The following THAP8 variants were observed in gnomAD, a reference collection of about 807,000 sequenced individuals.
THAP8 encodes the protein THAP domain containing 8.
Under a neutral mutation model 25.0 loss-of-function variants are expected in THAP8, and 24 were observed. The ratio of observed to expected loss-of-function variants is 0.96; its 90% confidence interval spans 0.69 to 1.35. The LOEUF (loss-of-function observed/expected upper bound fraction) is 1.35. Ranked by LOEUF, THAP8 falls within the 40% of genes most tolerant of loss-of-function variation. THAP8 has a pLI of 0.00. For synonymous variants in THAP8, 169 were observed against 157.6 expected, an observed-to-expected ratio of 1.07 and a Z score of -0.54; for missense variants, 399 against 368.8, an observed-to-expected ratio of 1.08 and a Z score of -0.67.
At chr19:36,040,875 G>A (rs746979634) in intron 1 of THAP8, among the ~76,000 whole-genome samples, 29 of 152,154 alleles carry the variant, frequency 1.9e-4, no homozygotes, top group Non-Finnish European at 3.5e-4. Context: ...AAATGGGGGT[G>A]TGGGGTTTCT....
chr19:36,050,400 T>G (rs1970023425), intron 1 of THAP8, among the ~76,000 whole-genome samples: 1 of 152,198 alleles, frequency 6.6e-6, no homozygotes, highest in Non-Finnish European at 1.5e-5. Flanking sequence ...TGCCTCGACT[T>G]CCCAAAGTGC....
At chr19:36,054,412 C>T, upstream of THAP8, 1 of 641,500 alleles carries the variant, frequency 1.6e-6, no homozygotes, top group South Asian at 1.8e-5. Context: ...GTCCCGCCCT[C>T]GTCACGTGAC....
chr19:36,042,543 A>C (rs1010069409), intron 1 of THAP8, among the ~76,000 whole-genome samples: 1 of 152,110 alleles, frequency 6.6e-6, no homozygotes, highest in African/African-American at 2.4e-5. Context: ...AGGTGGGAGG[A>C]CTGCTTGAGC....
upstream of THAP8, chr19:36,054,366 G>C: frequency 1.1e-6 from 1 of 945,568 alleles, no homozygotes; most frequent in Non-Finnish European, 1.6e-6. Flanking sequence ...AGAGCTGAGA[G>C]CGCCTGCCTA....
chr19:36,050,647 C>T (rs1039456455), intron 1 of THAP8, among the ~76,000 whole-genome samples: 1 of 152,180 alleles, frequency 6.6e-6, no homozygotes, highest in Non-Finnish European at 1.5e-5. Context: ...CTCAGTTCCT[C>T]AATGTTTGAT....
At chr19:36,041,589 C>T (rs936096963) in intron 1 of THAP8, among the ~76,000 whole-genome samples, 1 of 152,160 alleles carries the variant, frequency 6.6e-6, no homozygotes, top group Non-Finnish European at 1.5e-5. Flanking sequence ...AGTCTTTAAA[C>T]AACTCAACAA....
rs149751385 is a variant in THAP8, at chr19:36,035,302, G to A, written c.*138C>T. On this transcript the variant is annotated 3_prime_UTR_variant, in exon 4 of 4. Transcript: ENST00000292894. ...AAGGTTCAAGAGATCCCTAGGAGTG[G>A]GGTGGTAGAACCCAGGCCCTTGAGG... The A allele has an allele frequency of 3.6e-6, 4 of 1,111,298 alleles. No homozygotes were observed. Among genetic ancestry groups the A allele is most frequent in the Middle Eastern group, 2.5e-4 (1 of 4,040 alleles). The allele number at this position is 1,111,298 out of a possible 1,614,324, so 68.8% of individuals were successfully genotyped here. A position where few individuals can be genotyped will look rare whatever the true frequency, so the allele number is the denominator to read the frequency against.
chr19:36,038,850 CAAA>C (rs541061979), intron 3 of THAP8, among the ~76,000 whole-genome samples: 2 of 90,332 alleles, frequency 2.2e-5, no homozygotes, highest in Admixed American at 1.2e-4. Flanking sequence ...GACTCCGTCT[CAAA>C]AAAAAAAAAA....
At chr19:36,041,260 C>T (rs546676282) in intron 1 of THAP8, among the ~76,000 whole-genome samples, 1 of 150,702 alleles carries the variant, frequency 6.6e-6, no homozygotes, top group African/African-American at 2.4e-5. Flanking sequence ...TGCAGTGAGC[C>T]GAGATTGCGC....
At chr19:36,044,685 G>T (rs1466005083) in intron 1 of THAP8, among the ~76,000 whole-genome samples, 1 of 152,080 alleles carries the variant, frequency 6.6e-6, no homozygotes, top group African/African-American at 2.4e-5. Context: ...AGAGACAGAG[G>T]TCTCACTATG....
In THAP8 at chr19:36,035,577, G is replaced by C. The variant is rs1352675560; in HGVS notation, c.688C>G (p.Leu230Val). 2.5e-6 allele frequency: 4 copies of C among 1,613,854 alleles called. No homozygotes were observed. The highest frequency in any genetic ancestry group is 3.4e-6 in the Non-Finnish European group (4 of 1,179,928). Residue 230 changes from leucine (L) to valine (V), a missense_variant, in exon 4 of 4, where the codon CTT becomes GTT. Physicochemically the swap from Leu to Val is conservative, Grantham distance 32. Transcript: ENST00000292894. ...AAGGTTTGGGATTCCTCAGGTCCAAGGGTCTGGGCTGTTGTCTAAGGCAAA... is the reference window on the plus strand; with the variant it reads ...AAGGTTTGGGATTCCTCAGGTCCAACGGTCTGGGCTGTTGTCTAAGGCAAA... ...GLQRLTTAQT[L>V]GPEESQTFTI... is the part of the protein sequence containing the mutation.
At chr19:36,053,170 C>T (rs1480231079) in intron 1 of THAP8, among the ~76,000 whole-genome samples, 4 of 151,892 alleles carry the variant, frequency 2.6e-5, no homozygotes, top group African/African-American at 4.8e-5. Context: ...TGGATTCATG[C>T]GATTCTCCTG....
chr19:36,039,726 A>ACCTG lies in THAP8; in HGVS notation c.277-9_277-8insCAGG. On this transcript the variant is annotated splice_polypyrimidine_tract_variant and intron_variant, in intron 2 of 3. Transcript: ENST00000292894. Reference sequence around the variant, plus strand: ...TCGGGTCCTCCGCTGACTCTGGAAGACAAGGCATGGGGTGCAGGGGTGCCG... The same window carrying ACCTG: ...TCGGGTCCTCCGCTGACTCTGGAAGACCTGCAAGGCATGGGGTGCAGGGGTGCCG... 6 of 1,510,952 alleles carry ACCTG rather than the reference A, an allele frequency of 4.0e-6. No homozygotes were observed. Among genetic ancestry groups the ACCTG allele is most frequent in the Non-Finnish European group, 5.3e-6 (6 of 1,129,298 alleles). 93.6% of individuals were successfully genotyped at this position (1,510,952 alleles called of 1,614,324 possible).
upstream of THAP8, chr19:36,054,321 G>T (rs1970217181): frequency 2.9e-6 from 4 of 1,359,280 alleles, no homozygotes; most frequent in East Asian, 1.0e-4. Context: ...CCTGCCTCAC[G>T]TGACGTCCGT....
chr19:36,054,547 T>C (rs1375846748), upstream of THAP8: 3 of 552,134 alleles, frequency 5.4e-6, no homozygotes, highest in Admixed American at 9.3e-5. Context: ...CCAAATCAAC[T>C]GGCTAGTCAA....
intron 1 of THAP8, among the ~76,000 whole-genome samples, chr19:36,047,695 G>A (rs958963168): frequency 1.3e-5 from 2 of 151,982 alleles, no homozygotes; most frequent in African/African-American, 4.8e-5. Context: ...GGTGACATGC[G>A]CCTGTAATTC....
intron 1 of THAP8, among the ~76,000 whole-genome samples, chr19:36,042,196 G>GCTGTGGAAAACAAT (rs901676369): frequency 2.6e-5 from 4 of 152,140 alleles, no homozygotes; most frequent in African/African-American, 9.7e-5. Flanking sequence ...AAACGGTGCT[G>GCTGTGGAAAACAAT]CCACTGTGGA....
intron 1 of THAP8, among the ~76,000 whole-genome samples, chr19:36,045,059 G>GT (rs1196941155): frequency 1.3e-5 from 2 of 151,702 alleles, no homozygotes; most frequent in Non-Finnish European, 2.9e-5. Flanking sequence ...CCTGGAAACT[G>GT]TGACTATTAC....
intron 1 of THAP8, 132 bp from the exon 2 acceptor site, chr19:36,040,268 TG>T (rs1969645260): frequency 1.1e-6 from 1 of 887,118 alleles, no homozygotes; most frequent in Non-Finnish European, 1.7e-6. Flanking sequence ...ACCTGTCTTG[TG>T]CCCAGGCTTT....
Sources: gnomAD v4.1 joint callset for allele counts (sites outside exome capture counted in the v4.1 genomes callset) on GRCh38, gnomAD v4.1.1 for gene constraint, MANE v1.5 for transcripts, NCBI Gene and HGNC (gene_info 2026-07-23, HGNC 2026-07-21) for gene names.